The following KTN1 variants were observed in gnomAD, a reference collection of about 807,000 sequenced individuals.
KTN1 encodes the protein kinectin.
Under a neutral mutation model 222.5 loss-of-function variants are expected in KTN1, and 130 were observed. That is an observed-to-expected ratio of 0.58 (90% CI 0.51 to 0.68). KTN1 has a LOEUF of 0.68. Ranked by LOEUF, KTN1 falls within the 30% of genes least tolerant of loss-of-function variation. The probability of loss-of-function intolerance (pLI) is 0.00; values close to 1 mark genes in which losing one functional copy is unlikely to be tolerated. For missense variants in KTN1, 1,508 were observed against 1,500.4 expected (o/e 1.01, Z -0.08); for synonymous variants, 512 against 496.3 (o/e 1.03, Z -0.42).
chr14:55,672,837 T>C, intron 38 of KTN1, 92 bp from the exon 39 acceptor site: 1 of 1,131,786 alleles, frequency 8.8e-7, no homozygotes, highest in Non-Finnish European at 1.3e-6. Flanking sequence ...TGATATAGTT[T>C]TATATTCATA....
At chr14:55,639,138 A>G in intron 12 of KTN1, 47 bp from the exon 13 acceptor site, 1 of 1,289,808 alleles carries the variant, frequency 7.8e-7, no homozygotes, top group Non-Finnish European at 1.1e-6. Flanking sequence ...ATAGCTATAA[A>G]GCTTTCTCTT....
At chr14:55,680,664 G>T in intron 43 of KTN1, 1 of 1,352,214 alleles carries the variant, frequency 7.4e-7, no homozygotes, top group Non-Finnish European at 9.9e-7. Context: ...TGATCTTACA[G>T]GAGCGTTTTG....
intron 6 of KTN1, among the ~76,000 whole-genome samples, chr14:55,629,284 G>A (rs1232319131): frequency 1.3e-5 from 2 of 152,038 alleles, no homozygotes; most frequent in African/African-American, 2.4e-5. Context: ...CGGGCATGGT[G>A]GTGGGTGCCT....
chr14:55,638,145 G>A (rs2041350979), intron 12 of KTN1, among the ~76,000 whole-genome samples: 1 of 152,036 alleles, frequency 6.6e-6, no homozygotes, highest in Middle Eastern at 3.4e-3. Context: ...ATCCTATCTA[G>A]AATAGTGGCT....
chr14:55,623,609 A>G (rs1196026392), intron 5 of KTN1, among the ~76,000 whole-genome samples: 1 of 152,208 alleles, frequency 6.6e-6, no homozygotes. Context: ...GAGCTCAATC[A>G]GTCGTCCTGC....
At chr14:55,610,356 T>TAAAA (rs3059141) in intron 1 of KTN1, among the ~76,000 whole-genome samples, 1 of 150,662 alleles carries the variant, frequency 6.6e-6, no homozygotes, top group Non-Finnish European at 1.5e-5. Flanking sequence ...AACAATTGGT[T>TAAAA]AAAAAAAAAA....
intron 28 of KTN1, among the ~76,000 whole-genome samples, chr14:55,654,789 T>C (rs988695251): frequency 1.3e-5 from 2 of 152,144 alleles, no homozygotes; most frequent in Non-Finnish European, 2.9e-5. Flanking sequence ...TATCTATCAT[T>C]ACAGTATCAT....
rs375258365 is a variant in KTN1 at position 55,601,662 on chromosome 14, G to A, written c.-30-10357G>A. 2.0e-5 allele frequency: 3 copies of A among 152,042 alleles called. No individual in the cohort carries two copies. The East Asian group carries it at 5.8e-4, about 29-fold the overall frequency. The allele number at this position is 152,042 out of a possible 1,614,324, so 9.4% of individuals were successfully genotyped here. ...ATTTTTAAAAATTCTTACTGCAAAT[G>A]GAATATACTTACAAACATTTAAACA... On this transcript the variant is annotated intron_variant, in intron 1 of 43. Coordinates refer to ENST00000395314, the MANE Select transcript of KTN1 (RefSeq NM_001079521.2).
In KTN1 at chr14:55,612,345, T is replaced by C. The variant is rs1039896286; in HGVS notation, c.297T>C (p.Pro99=). The C allele has an allele frequency of 3.1e-6, 5 of 1,614,074 alleles. No individual in the cohort carries two copies. The highest frequency in any genetic ancestry group is 3.4e-6 in the Non-Finnish European group (4 of 1,179,938). Reference sequence around the variant, plus strand: ...CAGTAGAAGATGATCAAGTTGCACCTGTTCCATTGAATGTCGTTGAAACTT... The same window carrying C: ...CAGTAGAAGATGATCAAGTTGCACCCGTTCCATTGAATGTCGTTGAAACTT... ...ALAVEDDQVA[P]VPLNVVETSS... The change falls in exon 2 of 44, where the codon CCT becomes CCC. Residue 99 remains proline (P), a synonymous_variant. Coordinates refer to ENST00000395314, the MANE Select transcript of KTN1 (RefSeq NM_001079521.2).
chr14:55,649,310 T>C (rs931795360), intron 21 of KTN1, among the ~76,000 whole-genome samples: 3 of 152,116 alleles, frequency 2.0e-5, no homozygotes, highest in Non-Finnish European at 4.4e-5. Flanking sequence ...ATGTCAATTA[T>C]AGTTTTAATT....
chr14:55,646,476 TTTCCTTTCCTTTCC>T (rs1566788470), intron 18 of KTN1, among the ~76,000 whole-genome samples: 17 of 64,420 alleles, frequency 2.6e-4, no homozygotes, highest in African/African-American at 9.3e-4. Context: ...TTTCCTTTCC[TTTCCTTTCCTTTCC>T]TTTCCTTTCC....
intron 32 of KTN1, among the ~76,000 whole-genome samples, chr14:55,662,514 A>C (rs1169339192): frequency 6.6e-6 from 1 of 152,180 alleles, no homozygotes. Flanking sequence ...CTGAATAGAC[A>C]AACAATTTAG....
At chr14:55,657,885 G>A (rs2043669911) in intron 29 of KTN1, among the ~76,000 whole-genome samples, 1 of 151,724 alleles carries the variant, frequency 6.6e-6, no homozygotes, top group Non-Finnish European at 1.5e-5. Flanking sequence ...CTGCACTCCA[G>A]CCTGGGTAAC....
intron 31 of KTN1, among the ~76,000 whole-genome samples, chr14:55,660,361 T>A (rs916678737): frequency 1.3e-5 from 2 of 150,666 alleles, no homozygotes; most frequent in South Asian, 4.2e-4. Context: ...TACATACATA[T>A]AGTCTTTATG....
At chr14:55,609,070 C>T (rs907367927) in intron 1 of KTN1, among the ~76,000 whole-genome samples, 6 of 150,966 alleles carry the variant, frequency 4.0e-5, no homozygotes, top group Middle Eastern at 3.2e-3. Flanking sequence ...ATGTGGAGAA[C>T]GTGCAGGTTT....
intron 1 of KTN1, among the ~76,000 whole-genome samples, chr14:55,599,985 G>A (rs373414280): frequency 3.3e-5 from 5 of 151,412 alleles, no homozygotes; most frequent in East Asian, 3.9e-4. Context: ...CCTTTAATTG[G>A]GTGTTCTTGG....
At chr14:55,604,528 G>GCTC (rs1566688072) in intron 1 of KTN1, among the ~76,000 whole-genome samples, 1 of 152,062 alleles carries the variant, frequency 6.6e-6, no homozygotes, top group African/African-American at 2.4e-5. Flanking sequence ...ATCTTCCTGT[G>GCTC]CTCCCTATTT....
At chr14:55,599,722 T>A (rs1000710026) in intron 1 of KTN1, among the ~76,000 whole-genome samples, 1 of 151,938 alleles carries the variant, frequency 6.6e-6, no homozygotes, top group East Asian at 1.9e-4. Flanking sequence ...AGGTGATCCG[T>A]GAGCCATTTT....
At chr14:55,615,566 CCAA>C (rs2038226301) in intron 2 of KTN1, among the ~76,000 whole-genome samples, 1 of 150,348 alleles carries the variant, frequency 6.7e-6, no homozygotes, top group Admixed American at 6.7e-5. Context: ...GTATAAAATG[CCAA>C]AGAGTAGTCA....
Sources: allele counts gnomAD v4.1 joint callset (sites outside exome capture counted in the v4.1 genomes callset), GRCh38; gene constraint gnomAD v4.1.1; transcripts MANE v1.5; gene names NCBI Gene and HGNC (gene_info 2026-07-23, HGNC 2026-07-21).